ZBTB7C: variants seen among roughly 807,000 people sequenced by gnomAD.
ZBTB7C encodes zinc finger and BTB domain containing 7C.
A neutral mutation model predicts 25.7 loss-of-function variants in ZBTB7C; 8 were observed. That is an observed-to-expected ratio of 0.31 (90% CI 0.18 to 0.56). The LOEUF is 0.56. Ranked by LOEUF, ZBTB7C falls within the 20% of genes least tolerant of loss-of-function variation. The pLI, the probability that ZBTB7C is intolerant of heterozygous loss-of-function variation, is 0.91. For missense variants in ZBTB7C, 824 were observed against 855.2 expected, an observed-to-expected ratio of 0.96 and a Z score of 0.46; for synonymous variants, 394 against 369.0, an observed-to-expected ratio of 1.07 and a Z score of -0.78.
intron 3 of ZBTB7C, among the ~76,000 whole-genome samples, chr18:48,102,875 G>C (rs1373753043): frequency 6.6e-6 from 1 of 151,952 alleles, no homozygotes; most frequent in Non-Finnish European, 1.5e-5. Context: ...AATACATGTG[G>C]AGAAGGGAAG....
At chr18:48,053,034 C>T (rs1277897726) in intron 3 of ZBTB7C, among the ~76,000 whole-genome samples, 1 of 152,180 alleles carries the variant, frequency 6.6e-6, no homozygotes, top group Non-Finnish European at 1.5e-5. Context: ...TACATGTGAA[C>T]ACACGTTGGA....
At chr18:48,183,182 G>A (rs1893948) in intron 3 of ZBTB7C, among the ~76,000 whole-genome samples, 93,428 of 151,942 alleles carry the variant, frequency 0.61, 28,856 homozygotes, top group African/African-American at 0.66. Flanking sequence ...GGCCTATTTC[G>A]GCTCAATCCC....
At chr18:48,047,075 G>A (rs1484985844) in intron 3 of ZBTB7C, among the ~76,000 whole-genome samples, 1 of 152,202 alleles carries the variant, frequency 6.6e-6, no homozygotes, top group East Asian at 1.9e-4. Context: ...CAGTGGCAGG[G>A]ATTGGGAGGG....
chr18:48,114,340 G>A (rs1039069791), intron 3 of ZBTB7C, among the ~76,000 whole-genome samples: 4 of 152,282 alleles, frequency 2.6e-5, no homozygotes, highest in East Asian at 1.9e-4. Flanking sequence ...AGTGGCTCAC[G>A]CCTGTAATCC....
intron 2 of ZBTB7C, among the ~76,000 whole-genome samples, chr18:48,255,910 G>T (rs1161840089): frequency 6.9e-6 from 1 of 144,504 alleles, no homozygotes; most frequent in Non-Finnish European, 1.5e-5. Flanking sequence ...TTCCAAAAAA[G>T]AATAAGGAAT....
chr18:48,409,713 G>T (rs1321156557), upstream of ZBTB7C, among the ~76,000 whole-genome samples: 1 of 152,072 alleles, frequency 6.6e-6, no homozygotes, highest in African/African-American at 2.4e-5. Flanking sequence ...GGCTGCGGGC[G>T]GGAGTCAGGA....
intron 2 of ZBTB7C, among the ~76,000 whole-genome samples, chr18:48,336,200 A>C (rs1427933137): frequency 1.3e-5 from 2 of 152,040 alleles, no homozygotes; most frequent in Non-Finnish European, 2.9e-5. Context: ...CTAAAACCAC[A>C]TTTTCTGTGG....
chr18:48,149,141 C>T (rs367677312), intron 3 of ZBTB7C: 14,982 of 152,092 alleles, frequency 0.099, 761 homozygotes, highest in African/African-American at 0.13. Context: ...TGTGTGCGCG[C>T]GTGTGTGTGC....
chr18:48,366,208 T>C (rs954566871), intron 1 of ZBTB7C, among the ~76,000 whole-genome samples: 1 of 152,130 alleles, frequency 6.6e-6, no homozygotes, highest in African/African-American at 2.4e-5. Context: ...TAAATCAAGG[T>C]GACATTTCAA....
Position 48,039,889 on chromosome 18 carries a change from G to A in ZBTB7C, c.1208+11C>T. On this transcript the variant is annotated intron_variant, in intron 4 of 4. Coordinates refer to ENST00000590800, the MANE Select transcript of ZBTB7C (RefSeq NM_001318841.2). ...GCCCCGTGCCCCACACCCGAGGGCT[G>A]CCATGCGCACCTGGTGAAGCGGACC... is the stretch of plus-strand genomic sequence containing the variant. The A allele has an allele frequency of 6.2e-7, 1 of 1,609,498 alleles. No individual in the cohort carries two copies. Among genetic ancestry groups the A allele is most frequent in the Non-Finnish European group, 8.5e-7 (1 of 1,179,778 alleles).
intron 2 of ZBTB7C, among the ~76,000 whole-genome samples, chr18:48,278,646 T>C (rs1411542352): frequency 6.6e-6 from 1 of 152,086 alleles, no homozygotes; most frequent in Non-Finnish European, 1.5e-5. Context: ...GCCAGGCTGG[T>C]CTCGAACTCC....
At chr18:48,091,561 G>A (rs2038418190) in intron 3 of ZBTB7C, among the ~76,000 whole-genome samples, 2 of 152,142 alleles carry the variant, frequency 1.3e-5, no homozygotes, top group African/African-American at 2.4e-5. Flanking sequence ...GCTCATGACT[G>A]TAAGCATTTC....
intron 3 of ZBTB7C, chr18:48,165,176 G>A (rs1320058716): frequency 7.9e-7 from 1 of 1,267,970 alleles, no homozygotes; most frequent in Non-Finnish European, 1.0e-6. Context: ...CCAGGAAGGG[G>A]AGGGTTCTTG....
intron 1 of ZBTB7C, chr18:48,374,143 A>G (rs2047459759): frequency 6.6e-6 from 1 of 152,268 alleles, no homozygotes; most frequent in South Asian, 2.1e-4. Flanking sequence ...CTGTGAGCCA[A>G]TTAAATCTCT....
intron 2 of ZBTB7C, among the ~76,000 whole-genome samples, chr18:48,299,488 A>C (rs914062972): frequency 1.3e-5 from 2 of 152,240 alleles, no homozygotes; most frequent in African/African-American, 2.4e-5. Flanking sequence ...GTAACAAAGG[A>C]AGTGAAGAGA....
intron 1 of ZBTB7C, among the ~76,000 whole-genome samples, chr18:48,383,547 T>C (rs536738908): frequency 3.3e-5 from 5 of 152,200 alleles, no homozygotes; most frequent in Non-Finnish European, 7.3e-5. Flanking sequence ...ATTATAGGCA[T>C]GTGAGCTACC....
At chr18:48,289,930 T>A (rs1324589082) in intron 2 of ZBTB7C, among the ~76,000 whole-genome samples, 3 of 152,158 alleles carry the variant, frequency 2.0e-5, no homozygotes, top group Non-Finnish European at 4.4e-5. Context: ...AAATACAATA[T>A]AGCAGTGAAA....
At chr18:48,296,948 C>CA (rs1418101263) in intron 2 of ZBTB7C, among the ~76,000 whole-genome samples, 4 of 152,196 alleles carry the variant, frequency 2.6e-5, no homozygotes, top group Admixed American at 2.0e-4. Context: ...ACTAAAAGCA[C>CA]AAAAATTAGC....
chr18:48,043,768 T>C (rs2036357145), intron 3 of ZBTB7C, among the ~76,000 whole-genome samples: 1 of 152,212 alleles, frequency 6.6e-6, no homozygotes, highest in Admixed American at 6.5e-5. Context: ...CTGTATCATC[T>C]CTTACAACTG....
Sources: gnomAD v4.1 joint callset for allele counts (sites outside exome capture counted in the v4.1 genomes callset) on GRCh38, gnomAD v4.1.1 for gene constraint, MANE v1.5 for transcripts, NCBI Gene and HGNC (gene_info 2026-07-23, HGNC 2026-07-21) for gene names.